The following PIGV variants were observed in gnomAD, a reference collection of about 807,000 sequenced individuals.
PIGV encodes phosphatidylinositol glycan anchor biosynthesis class V.
A neutral mutation model predicts 39.2 loss-of-function variants in PIGV; 27 were observed. That is an observed-to-expected ratio of 0.69 (90% CI 0.51 to 0.95). PIGV has a LOEUF of 0.95. PIGV is among the 40% of genes least tolerant of loss of function. The pLI, the probability that PIGV is intolerant of heterozygous loss-of-function variation, is 0.00. For missense variants in PIGV, 523 were observed against 586.4 expected (o/e 0.89, Z 1.12); for synonymous variants, 232 against 241.7 (o/e 0.96, Z 0.37).
intron 2 of PIGV, among the ~76,000 whole-genome samples, chr1:26,791,480 T>A (rs889793787): frequency 6.6e-6 from 1 of 152,210 alleles, no homozygotes; most frequent in Non-Finnish European, 1.5e-5. Context: ...TAATAAAATA[T>A]CACGTATATA....
chr1:26,797,414 T>G (rs2081398149), intron 3 of PIGV, 149 bp from the exon 4 acceptor site: 1 of 739,934 alleles, frequency 1.4e-6, no homozygotes, highest in Non-Finnish European at 2.4e-6. Flanking sequence ...AGACAGATCC[T>G]AAGCTGTGTT....
rs2081362990 is a variant in PIGV, at chr1:26,795,006, G to A, written c.972G>A (p.Gln324=). ...TTTTGAAATACTATGAGCTCAAGCA[G>A]GTGCCCAATTTTCTACTGGCTGCAC... ...VGFLKYYELK[Q]VPNFLLAAPV... The change falls in exon 3 of 4, where the codon CAG becomes CAA. Residue 324 remains glutamine (Q), a synonymous_variant. Transcript: ENST00000674202. The A allele has an allele frequency of 6.2e-7, 1 of 1,614,062 alleles. No homozygotes were observed. The highest frequency in any genetic ancestry group is 1.3e-5 in the African/African-American group (1 of 74,912).
rs2081286086 is a variant in PIGV at position 26,789,677 on chromosome 1, T to TAGC, written c.-57-1080_-57-1078dup. Among the ~76,000 whole-genome samples, 4 of 152,344 alleles carry TAGC rather than the reference T, an allele frequency of 2.6e-5. No individual in the cohort carries two copies. In the South Asian group the frequency reaches 8.3e-4, roughly 32 times the overall value. Reference sequence around the variant, plus strand: ...AATAGGGCAGAATGTAATGAGGGCATAGCACACTGTCTAGTGAGGATCAGA... The same window carrying TAGC: ...AATAGGGCAGAATGTAATGAGGGCATAGCAGCACACTGTCTAGTGAGGATCAGA... On this transcript the variant is annotated intron_variant, in intron 1 of 3. Transcript: ENST00000674202.
chr1:26,798,019 C>A lies in PIGV; in HGVS notation c.*175C>A, dbSNP rs560522630. On this transcript the variant is annotated 3_prime_UTR_variant, in exon 4 of 4. Transcript: ENST00000674202. ...AGAAGTGTCAGACACTAGAGAGCCCCTTCTGGTCCTGGCTAGGGCAAATTT... is the reference window on the plus strand; with the variant it reads ...AGAAGTGTCAGACACTAGAGAGCCCATTCTGGTCCTGGCTAGGGCAAATTT... 1.2e-5 allele frequency: 8 copies of A among 667,248 alleles called. No individual in the cohort carries two copies. Among genetic ancestry groups the A allele is most frequent in the African/African-American group, 5.4e-5 (3 of 55,444 alleles). 41.3% of individuals were successfully genotyped at this position (667,248 alleles called of 1,614,324 possible). A position where few individuals can be genotyped will look rare whatever the true frequency, so the allele number is the denominator to read the frequency against.
At position 26,798,008 on chromosome 1, in the gene PIGV, C is replaced by T; in HGVS notation, c.*164C>T. On this transcript the variant is annotated 3_prime_UTR_variant, in exon 4 of 4. Transcript: ENST00000674202. ...TCAGGAATGGGAGAAGTGTCAGACA[C>T]TAGAGAGCCCCTTCTGGTCCTGGCT... 1 of 700,384 alleles carries T rather than the reference C, an allele frequency of 1.4e-6. No homozygotes were observed. The highest frequency in any genetic ancestry group is 1.7e-5 in the South Asian group (1 of 60,422). The allele number at this position is 700,384 out of a possible 1,614,324, so 43.4% of individuals were successfully genotyped here.
At position 26,798,810 on chromosome 1, in the gene PIGV, TAAG is replaced by T. The variant is rs2081420114; in HGVS notation, c.*973_*975del. 6.6e-6 allele frequency among the ~76,000 whole-genome samples: 1 copy of T among 152,158 alleles called. No homozygotes were observed. The highest frequency in any genetic ancestry group is 6.5e-5 in the Admixed American group (1 of 15,278). On this transcript the variant is annotated 3_prime_UTR_variant, in exon 4 of 4. Transcript: ENST00000674202. ...ATAAATCAGCTGGGGGAAAAAAGGG[TAAG>T]AAGAAGGCATCAGGAACCCTGGATT...
chr1:26,799,485 GT>G lies in PIGV; in HGVS notation c.*1642del, dbSNP rs1446714083. Among the ~76,000 whole-genome samples the G allele has an allele frequency of 1.3e-5, 2 of 152,142 alleles. No homozygotes were observed. Among genetic ancestry groups the G allele is most frequent in the Non-Finnish European group, 2.9e-5 (2 of 68,026 alleles). Reference sequence around the variant, plus strand: ...TTTCCCATTTAAGCCAAAACATCCAGTAAGCAGAAACTCTTCAAAACAGATG... The same window carrying G: ...TTTCCCATTTAAGCCAAAACATCCAGAAGCAGAAACTCTTCAAAACAGATG... On this transcript the variant is annotated 3_prime_UTR_variant, in exon 4 of 4. Coordinates refer to ENST00000674202, the MANE Select transcript of PIGV (RefSeq NM_017837.4).
At chr1:26,792,774 G>A (rs1057188608) in intron 2 of PIGV, among the ~76,000 whole-genome samples, 5 of 152,152 alleles carry the variant, frequency 3.3e-5, no homozygotes, top group African/African-American at 1.2e-4. Flanking sequence ...TTTGGCTCCT[G>A]GTTCACTGTC....
intron 2 of PIGV, among the ~76,000 whole-genome samples, chr1:26,792,340 A>G (rs1396254518): frequency 8.0e-6 from 1 of 124,826 alleles, no homozygotes; most frequent in East Asian, 2.3e-4. Flanking sequence ...TTTTTTTTTG[A>G]GACGGAGTCT....
At position 26,794,914 on chromosome 1, in the gene PIGV, C is replaced by G; in HGVS notation, c.880C>G (p.Pro294Ala). The G allele has an allele frequency of 1.2e-6, 2 of 1,614,154 alleles. No homozygotes were observed. Among genetic ancestry groups the G allele is most frequent in the East Asian group, 4.5e-5 (2 of 44,888 alleles). ...GYRIAEGNEP[P>A]WCFWDVPLIY... The stretch of plus-strand genomic sequence containing the variant: ...CCGGATTGCAGAGGGAAATGAACCG[C>G]CTTGGTGCTTCTGGGATGTTCCACT... The change falls in exon 3 of 4, where the codon CCT (proline) becomes GCT (alanine). Residue 294 changes from proline (P) to alanine (A), a missense_variant. Transcript: ENST00000674202.
chr1:26,798,706 CAAAA>C lies in PIGV; in HGVS notation c.*866_*869del. Among the ~76,000 whole-genome samples, 1 of 151,678 alleles carries C rather than the reference CAAAA, an allele frequency of 6.6e-6. No individual in the cohort carries two copies. Among genetic ancestry groups the C allele is most frequent in the Non-Finnish European group, 1.5e-5 (1 of 67,936 alleles). On this transcript the variant is annotated 3_prime_UTR_variant, in exon 4 of 4. Transcript: ENST00000674202. ...TGGGCAACAGAGTGAGGCTCTGTCT[CAAAA>C]AAAGTAAAAAATAAAAATAATACAA... is the stretch of plus-strand genomic sequence containing the variant.
At chr1:26,794,009 T>C in intron 2 of PIGV, 104 bp from the exon 3 acceptor site, 1 of 1,089,254 alleles carries the variant, frequency 9.2e-7, no homozygotes, top group Non-Finnish European at 1.4e-6. Flanking sequence ...CCTGCCAAAG[T>C]GGGGATTACA....
intron 3 of PIGV, among the ~76,000 whole-genome samples, 168 bp from the exon 4 acceptor site, chr1:26,797,395 A>G (rs1570649127): frequency 6.6e-6 from 1 of 152,322 alleles, no homozygotes; most frequent in East Asian, 1.9e-4. Flanking sequence ...CTGTACATAC[A>G]TCTTTCTAAG....
rs1006691615 is a variant in PIGV at position 26,788,179 on chromosome 1, C to G, written c.-147C>G. 8 of 152,442 alleles carry G rather than the reference C, an allele frequency of 5.2e-5. No individual in the cohort carries two copies. Among genetic ancestry groups the G allele is most frequent in the African/African-American group, 1.9e-4 (8 of 41,490 alleles). The allele number at this position is 152,442 out of a possible 1,614,324, so 9.4% of individuals were successfully genotyped here. On this transcript the variant is annotated 5_prime_UTR_variant, in exon 1 of 4. Coordinates refer to ENST00000674202, the MANE Select transcript of PIGV (RefSeq NM_017837.4). ...TCGGGCGCCGCCTCTTCCTTTCCAG[C>G]CTCCCGCCCTCGTCTGCTTCCGGCC...
chr1:26,796,846 T>C (rs1294865529), intron 3 of PIGV, among the ~76,000 whole-genome samples: 5 of 152,136 alleles, frequency 3.3e-5, no homozygotes, highest in African/African-American at 7.2e-5. Context: ...GCGGTGGTGA[T>C]AGAGAGGGAT....
rs779668140 is a variant in PIGV, at chr1:26,794,653, C to CT, written c.620dup (p.Val208GlyfsTer29). On this transcript the variant is annotated frameshift_variant, in exon 3 of 4. Coordinates refer to ENST00000674202, the MANE Select transcript of PIGV (RefSeq NM_017837.4). LOFTEE classifies it high-confidence loss of function. ...TGCCACTGGGGTACGCTCCAACGGG[C>CT]TGGTCAGTGTTGGCTTCCTCATGCA... 5.6e-6 allele frequency: 9 copies of CT among 1,614,226 alleles called. No individual in the cohort carries two copies. In the South Asian group the frequency reaches 9.9e-5, roughly 18 times the overall value.
Position 26,798,033 on chromosome 1 carries a change from T to C in PIGV, c.*189T>C. On this transcript the variant is annotated 3_prime_UTR_variant, in exon 4 of 4. Transcript: ENST00000674202. ...CTAGAGAGCCCCTTCTGGTCCTGGC[T>C]AGGGCAAATTTTAGACAACTATTTT... 1 of 619,262 alleles carries C rather than the reference T, an allele frequency of 1.6e-6. No individual in the cohort carries two copies. Among genetic ancestry groups the C allele is most frequent in the Non-Finnish European group, 2.8e-6 (1 of 351,078 alleles). The allele number at this position is 619,262 out of a possible 1,614,324, so 38.4% of individuals were successfully genotyped here. A position where few individuals can be genotyped will look rare whatever the true frequency, so the allele number is the denominator to read the frequency against.
chr1:26,792,182 C>T (rs1570638519), intron 2 of PIGV, among the ~76,000 whole-genome samples: 1 of 151,996 alleles, frequency 6.6e-6, no homozygotes, highest in Non-Finnish European at 1.5e-5. Flanking sequence ...GACAGAGTCT[C>T]GCCCTGTCCC....
At position 26,797,925 on chromosome 1, in the gene PIGV, C is replaced by A; in HGVS notation, c.*81C>A. On this transcript the variant is annotated 3_prime_UTR_variant, in exon 4 of 4. Transcript: ENST00000674202. ...AAAATACACATTGGAACTGCCTCTGCTGCCCTGGGATCATTACTGTGTCCA... is the reference window on the plus strand; with the variant it reads ...AAAATACACATTGGAACTGCCTCTGATGCCCTGGGATCATTACTGTGTCCA... 8.6e-7 allele frequency: 1 copy of A among 1,158,280 alleles called. No individual in the cohort carries two copies. The highest frequency in any genetic ancestry group is 1.3e-6 in the Non-Finnish European group (1 of 767,976). The allele number at this position is 1,158,280 out of a possible 1,614,324, so 71.8% of individuals were successfully genotyped here.
Sources: gnomAD v4.1 joint callset for allele counts (sites outside exome capture counted in the v4.1 genomes callset) on GRCh38, gnomAD v4.1.1 for gene constraint, MANE v1.5 for transcripts, NCBI Gene and HGNC (gene_info 2026-07-23, HGNC 2026-07-21) for gene names.